CCDC3: variants seen among roughly 807,000 people sequenced by gnomAD.
The protein encoded by CCDC3 is coiled-coil domain-containing protein 3.
CCDC3 carries 24 observed loss-of-function variants against 21.4 expected under a neutral mutation model. That is an observed-to-expected ratio of 1.12 (90% CI 0.81 to 1.58). CCDC3 has a LOEUF of 1.58. Ranked by LOEUF, CCDC3 falls within the 40% of genes most tolerant of loss-of-function variation. The pLI is 0.00. For synonymous variants in CCDC3, 186 were observed against 166.0 expected (o/e 1.12, Z -0.93); for missense variants, 425 against 360.9 (o/e 1.18, Z -1.44).
At chr10:12,928,287 G>C (rs1834578372) in intron 2 of CCDC3, among the ~76,000 whole-genome samples, 2 of 152,076 alleles carry the variant, frequency 1.3e-5, no homozygotes, top group African/African-American at 4.8e-5. Flanking sequence ...CAGTATCTTG[G>C]GAAGAAAAGG....
In CCDC3 at chr10:13,022,271, A is replaced by G. The variant is rs1345424205; in HGVS notation, c.-1-23759T>C. ...TCTCTCTTTTTTTCACCCCTTCCAC[A>G]CCTATAAGGGCATGCTCAAGCAGGT... On this transcript the variant is annotated intron_variant, in intron 5 of 6. Coordinates refer to the CCDC3 transcript ENST00000378839. Among the ~76,000 whole-genome samples the G allele has an allele frequency of 3.3e-5, 5 of 151,700 alleles. No homozygotes were observed. In the East Asian group the frequency reaches 5.8e-4, roughly 18 times the overall value.
At chr10:13,089,774 C>A (rs1327641810) in intron 3 of CCDC3, among the ~76,000 whole-genome samples, 1 of 151,740 alleles carries the variant, frequency 6.6e-6, no homozygotes, top group Non-Finnish European at 1.5e-5. Context: ...TTTTGGTGCT[C>A]CCATCACCCG....
At chr10:12,904,088 C>T (rs1003518925) in intron 2 of CCDC3, among the ~76,000 whole-genome samples, 5 of 152,036 alleles carry the variant, frequency 3.3e-5, no homozygotes, top group African/African-American at 7.2e-5. Context: ...TCGGTCTGTA[C>T]ACTTCCCGTG....
intron 5 of CCDC3, among the ~76,000 whole-genome samples, chr10:13,031,826 C>G (rs1836308316): frequency 1.3e-5 from 2 of 152,060 alleles, no homozygotes; most frequent in South Asian, 4.1e-4. Context: ...CAATAACAGG[C>G]TCTGAAATTG....
At chr10:13,043,528 G>A (rs925950239) in intron 5 of CCDC3, among the ~76,000 whole-genome samples, 4 of 152,296 alleles carry the variant, frequency 2.6e-5, no homozygotes, top group East Asian at 1.9e-4. Context: ...AGGAGGTGGA[G>A]GTTGCAGTGA....
intron 4 of CCDC3, among the ~76,000 whole-genome samples, chr10:13,065,533 C>T (rs1836811337): frequency 6.6e-6 from 1 of 152,146 alleles, no homozygotes; most frequent in Non-Finnish European, 1.5e-5. Context: ...GCCACTCTAT[C>T]TTTAGTATAG....
chr10:13,011,061 A>G (rs1835978397), intron 5 of CCDC3, among the ~76,000 whole-genome samples: 1 of 151,936 alleles, frequency 6.6e-6, no homozygotes, highest in Non-Finnish European at 1.5e-5. Context: ...CACACCTGTC[A>G]TCCTAGCTAC....
At chr10:12,956,910 T>C (rs1267570998) in intron 2 of CCDC3, among the ~76,000 whole-genome samples, 2 of 152,246 alleles carry the variant, frequency 1.3e-5, no homozygotes, top group Non-Finnish European at 2.9e-5. Context: ...TTACCATTTG[T>C]TCTAGCCAGC....
rs529951006 is a variant in CCDC3 at position 12,938,623 on chromosome 10, AGAGTT to A, written c.550-39949_550-39945del. Among the ~76,000 whole-genome samples the A allele has an allele frequency of 7.9e-5, 12 of 152,350 alleles. No homozygotes were observed. The East Asian group carries it at 2.1e-3, about 27-fold the overall frequency. ...GTGAATAACAGTAGTCCTATCCCAGAGAGTTGAGTTAATGTGCAAAATACAGAACA... is the reference window on the plus strand; with the variant it reads ...GTGAATAACAGTAGTCCTATCCCAGAGAGTTAATGTGCAAAATACAGAACA... On this transcript the variant is annotated intron_variant, in intron 2 of 2. Transcript: ENST00000378825.
intron 2 of CCDC3, among the ~76,000 whole-genome samples, chr10:12,907,075 C>A (rs1168833038): frequency 6.6e-6 from 1 of 152,152 alleles, no homozygotes; most frequent in Non-Finnish European, 1.5e-5. Flanking sequence ...TTCCTGGTTC[C>A]ATTGTCAAGT....
In CCDC3 at chr10:13,031,860, A is replaced by G. The variant is rs642799; in HGVS notation, c.-2+17814T>C. Among the ~76,000 whole-genome samples, 634 of 152,312 alleles carry G rather than the reference A, an allele frequency of 4.2e-3. 6 individuals carry two copies. Among genetic ancestry groups the G allele is most frequent in the African/African-American group, 0.014 (602 of 41,566 alleles). On this transcript the variant is annotated intron_variant, in intron 5 of 6. Coordinates refer to the CCDC3 transcript ENST00000378839. Reference sequence around the variant, plus strand: ...TGGGGCAATAATTAATAGCCTACCAATGAAAAAAAGTCCAGGACCAGATGG... The same window carrying G: ...TGGGGCAATAATTAATAGCCTACCAGTGAAAAAAAGTCCAGGACCAGATGG...
chr10:12,969,641 T>C (rs1424247266), intron 2 of CCDC3, among the ~76,000 whole-genome samples: 1 of 150,498 alleles, frequency 6.6e-6, no homozygotes, highest in Non-Finnish European at 1.5e-5. Flanking sequence ...TTTTATATAA[T>C]ATATATGGTA....
At chr10:13,073,006 A>G (rs56170303) in intron 4 of CCDC3, among the ~76,000 whole-genome samples, 31,050 of 151,276 alleles carry the variant, frequency 0.21, 3,776 homozygotes, top group East Asian at 0.29. Context: ...AGCTGGGATT[A>G]CAGGCATGTG....
intron 2 of CCDC3, among the ~76,000 whole-genome samples, chr10:12,951,804 C>CAAA (rs71924811): frequency 0.019 from 1,166 of 60,448 alleles, 185 homozygotes; most frequent in Non-Finnish European, 0.022. Flanking sequence ...GACTTCATCT[C>CAAA]AAAAAAAAAA....
intron 2 of CCDC3, among the ~76,000 whole-genome samples, chr10:12,994,065 T>C (rs1835719375): frequency 6.6e-6 from 1 of 152,124 alleles, no homozygotes; most frequent in Non-Finnish European, 1.5e-5. Context: ...CCAGATCCAC[T>C]GTCCAAGCTG....
At chr10:12,996,366 T>C (rs1835761861) in intron 2 of CCDC3, among the ~76,000 whole-genome samples, 1 of 152,116 alleles carries the variant, frequency 6.6e-6, no homozygotes, top group South Asian at 2.1e-4. Context: ...GATGGAGTCT[T>C]ACTCTGTCGC....
At chr10:13,025,459 T>C (rs935945874) in intron 5 of CCDC3, among the ~76,000 whole-genome samples, 3 of 152,150 alleles carry the variant, frequency 2.0e-5, no homozygotes, top group African/African-American at 4.8e-5. Flanking sequence ...TAAGGAGTAG[T>C]TTAGTGAGAG....
chr10:12,983,520 A>C (rs1018480118), intron 2 of CCDC3, among the ~76,000 whole-genome samples: 1 of 151,736 alleles, frequency 6.6e-6, no homozygotes, highest in East Asian at 1.9e-4. Context: ...GCAGTGAGCC[A>C]AGAGTGCACC....
At chr10:13,055,646 G>A (rs911272142) in intron 4 of CCDC3, among the ~76,000 whole-genome samples, 1 of 151,880 alleles carries the variant, frequency 6.6e-6, no homozygotes, top group African/African-American at 2.4e-5. Context: ...TGTACAGGGA[G>A]GTGAGAAATT....
Sources: gnomAD v4.1 joint callset for allele counts (sites outside exome capture counted in the v4.1 genomes callset) on GRCh38, gnomAD v4.1.1 for gene constraint, MANE v1.5 for transcripts, NCBI Gene and HGNC (gene_info 2026-07-23, HGNC 2026-07-21) for gene names.